Variants in MTCL2 observed in about 807,000 individuals in gnomAD.
MTCL2 encodes the protein microtubule cross-linking factor 2.
At chr20:36,826,138 C>G in the MTCL2 span, among the ~76,000 whole-genome samples, 1 of 151,870 alleles carries the variant, frequency 6.6e-6, no homozygotes, top group African/African-American at 2.4e-5. Flanking sequence ...TCCTGAGTAG[C>G]TGGGACTACA....
chr20:36,848,351 C>T, the MTCL2 span, among the ~76,000 whole-genome samples: 1 of 152,186 alleles, frequency 6.6e-6, no homozygotes, highest in Non-Finnish European at 1.5e-5. Flanking sequence ...CAAAGGCAAA[C>T]CTGCTCCCCT....
At chr20:36,802,710 C>T in the MTCL2 span, 1 of 993,852 alleles carries the variant, frequency 1.0e-6, no homozygotes, top group Non-Finnish European at 1.4e-6. Flanking sequence ...TGCCTGGATC[C>T]AGCTATACCT....
chr20:36,815,930 C>T, the MTCL2 span: 5 of 1,612,510 alleles, frequency 3.1e-6, no homozygotes, highest in African/African-American at 1.3e-5. This position sits in a 1 kb window ranked among gnomAD's most constrained non-coding sequence, Gnocchi z 5.3. Flanking sequence ...TCTCCCCGCA[C>T]TCTCCGCCAC....
At chr20:36,852,954 G>T in the MTCL2 span, among the ~76,000 whole-genome samples, 1 of 152,058 alleles carries the variant, frequency 6.6e-6, no homozygotes, top group African/African-American at 2.4e-5. Flanking sequence ...CTACTCGGGA[G>T]GCTGAGGCAG....
chr20:36,806,077 A>G, the MTCL2 span: 1 of 692,806 alleles, frequency 1.4e-6, no homozygotes, highest in African/African-American at 1.8e-5. Flanking sequence ...CTAGCCTCCC[A>G]CGACATCTAT....
At chr20:36,834,079 C>T in the MTCL2 span, among the ~76,000 whole-genome samples, 69 of 151,110 alleles carry the variant, frequency 4.6e-4, no homozygotes, top group Admixed American at 4.5e-3. Flanking sequence ...AGGAGAATTG[C>T]TTGAACCCGG....
the MTCL2 span, among the ~76,000 whole-genome samples, chr20:36,827,434 C>T: frequency 9.6e-4 from 141 of 147,546 alleles, no homozygotes; most frequent in East Asian, 2.0e-3. Context: ...TGCGATCTCA[C>T]CTCACTGCAG....
chr20:36,797,357 A>T, the MTCL2 span: 1 of 763,270 alleles, frequency 1.3e-6, no homozygotes, highest in Non-Finnish European at 2.1e-6. Context: ...ACCATGAGAT[A>T]CAGACTCCAG....
At chr20:36,788,302 A>G in the MTCL2 span, among the ~76,000 whole-genome samples, 2 of 151,566 alleles carry the variant, frequency 1.3e-5, no homozygotes, top group Non-Finnish European at 2.9e-5. Flanking sequence ...GTGAGCTATG[A>G]TTGTGTCACT....
chr20:36,796,743 C>T, the MTCL2 span: 1,501 of 754,096 alleles, frequency 2.0e-3, 17 homozygotes, highest in African/African-American at 0.022. Flanking sequence ...GGTGGGGTGG[C>T]GGCAGGAAGA....
the MTCL2 span, among the ~76,000 whole-genome samples, chr20:36,841,882 T>G: frequency 1.3e-3 from 189 of 141,526 alleles, 3 homozygotes; most frequent in South Asian, 0.011. Context: ...GGGGTGTGTG[T>G]GTGTGTGTGT....
chr20:36,788,750 C>T, the MTCL2 span, among the ~76,000 whole-genome samples: 1 of 152,088 alleles, frequency 6.6e-6, no homozygotes, highest in Non-Finnish European at 1.5e-5. Context: ...ATTTACTTAA[C>T]CTCTCTTGAG....
chr20:36,847,227 C>T, the MTCL2 span, among the ~76,000 whole-genome samples: 1 of 152,208 alleles, frequency 6.6e-6, no homozygotes. Context: ...AAACAAGCCA[C>T]GTGGCCCTGG....
the MTCL2 span, chr20:36,815,110 G>A: frequency 6.4e-7 from 1 of 1,567,230 alleles, no homozygotes; most frequent in Non-Finnish European, 8.6e-7. This position sits in a 1 kb window ranked among gnomAD's most constrained non-coding sequence, Gnocchi z 5.3. Context: ...TAGGATCTGT[G>A]CATGAGGCAC....
chr20:36,804,595 T>C, the MTCL2 span: 3 of 1,120,636 alleles, frequency 2.7e-6, no homozygotes, highest in East Asian at 4.9e-5. Context: ...GGCAAGTCTC[T>C]TGCCCTCTCT....
At chr20:36,835,446 GA>G in the MTCL2 span, among the ~76,000 whole-genome samples, 1 of 152,164 alleles carries the variant, frequency 6.6e-6, no homozygotes, top group African/African-American at 2.4e-5. Flanking sequence ...AACAGAAGGG[GA>G]AAATGAGGCA....
chr20:36,821,444 C>A, the MTCL2 span, among the ~76,000 whole-genome samples: 1 of 152,038 alleles, frequency 6.6e-6, no homozygotes, highest in East Asian at 1.9e-4. Context: ...AGGAGGATCA[C>A]TTGAACCCAG....
the MTCL2 span, among the ~76,000 whole-genome samples, chr20:36,843,386 C>G: frequency 2.0e-5 from 3 of 152,156 alleles, no homozygotes; most frequent in African/African-American, 7.2e-5. Flanking sequence ...TCCTGCCCAT[C>G]GGTTTGACTC....
chr20:36,800,808 C>T, the MTCL2 span, among the ~76,000 whole-genome samples: 5 of 152,196 alleles, frequency 3.3e-5, no homozygotes, highest in Non-Finnish European at 5.9e-5. Flanking sequence ...TTGGTAATCA[C>T]AGGAACTGGC....
Sources: allele counts gnomAD v4.1 joint callset (sites outside exome capture counted in the v4.1 genomes callset), GRCh38; gene constraint gnomAD v4.1.1; non-coding constraint Gnocchi (gnomAD v3.1); transcripts MANE v1.5; gene names NCBI Gene and HGNC (gene_info 2026-07-23, HGNC 2026-07-21).